The following LENG1 variants were observed in gnomAD, a reference collection of about 807,000 sequenced individuals.
LENG1 encodes leukocyte receptor cluster (LRC) member 1.
A neutral mutation model predicts 28.8 loss-of-function variants in LENG1; 35 were observed. That is an observed-to-expected ratio of 1.22 (90% confidence interval 0.93 to 1.61). LENG1 has a LOEUF of 1.61. LENG1 is among the 40% of genes most tolerant of loss of function. LENG1 has a pLI of 0.00. For missense variants in LENG1, 404 were observed against 348.9 expected, an observed-to-expected ratio of 1.16 and a Z score of -1.26; for synonymous variants, 170 against 140.6, an observed-to-expected ratio of 1.21 and a Z score of -1.48.
chr19:54,156,245 G>A (rs1483980113), intron 3 of LENG1, among the ~76,000 whole-genome samples: 3 of 152,118 alleles, frequency 2.0e-5, no homozygotes, highest in Non-Finnish European at 4.4e-5. Context: ...AAGACTACAG[G>A]CAGTGTACCC....
intron 3 of LENG1, 71 bp downstream of exon 3, chr19:54,156,692 A>C: frequency 6.8e-7 from 1 of 1,474,424 alleles, no homozygotes; most frequent in Non-Finnish European, 9.2e-7. Flanking sequence ...GAGACGCTGC[A>C]GTGCCCATGC....
rs1054832542 is a variant in LENG1, at chr19:54,158,393, C to T, written c.201G>A (p.Glu67=). ...CAGGGCCAGAACCTGGGGCTCCCGC[C>T]TCTGCTGCTTCAAGCTCAGGCAGTG... is the stretch of plus-strand genomic sequence containing the variant. ...QNSLPELEAA[E]AGAPGSGPVD... The change falls in exon 2 of 4, where the codon GAG becomes GAA. Residue 67 remains glutamate (E), a synonymous_variant. Coordinates refer to ENST00000222224, the MANE Select transcript of LENG1 (RefSeq NM_024316.3). The T allele has an allele frequency of 6.2e-7, 1 of 1,614,260 alleles. No individual in the cohort carries two copies. Among genetic ancestry groups the T allele is most frequent in the Admixed American group, 1.7e-5 (1 of 60,032 alleles).
chr19:54,155,629 G>T lies in LENG1; in HGVS notation c.*92C>A. On this transcript the variant is annotated 3_prime_UTR_variant, in exon 4 of 4. Coordinates refer to ENST00000222224, the MANE Select transcript of LENG1 (RefSeq NM_024316.3). ...CCCTCCCCAGTGAGGGACATTTTTT[G>T]GTAAACCTATTTTCATTTTGGAAAA... The T allele has an allele frequency of 1.5e-6, 2 of 1,304,118 alleles. No individual in the cohort carries two copies. Among genetic ancestry groups the T allele is most frequent in the Non-Finnish European group, 2.1e-6 (2 of 952,510 alleles). 80.8% of individuals were successfully genotyped at this position (1,304,118 alleles called of 1,614,324 possible). A position where few individuals can be genotyped will look rare whatever the true frequency, so the allele number is the denominator to read the frequency against.
At position 54,156,748 on chromosome 19, in the gene LENG1, G is replaced by A. The variant is rs1455061127; in HGVS notation, c.575+15C>T. On this transcript the variant is annotated intron_variant, in intron 3 of 3. Transcript: ENST00000222224. ...AAGGTCTGGGCCCTGGTCTGCCGAG[G>A]TGGGGTCTTCTTACTCCTTGGGTCG... 4.4e-6 allele frequency: 7 copies of A among 1,601,316 alleles called. No homozygotes were observed. The highest frequency in any genetic ancestry group is 1.3e-5 in the African/African-American group (1 of 74,376).
rs148796060 is a variant in LENG1, at chr19:54,158,110, T to C, written c.312+172A>G. 5.6e-3 allele frequency among the ~76,000 whole-genome samples: 846 copies of C among 152,334 alleles called. 6 individuals are homozygous for C. The highest frequency in any genetic ancestry group is 0.02 in the African/African-American group (817 of 41,570). On this transcript the variant is annotated intron_variant, in intron 2 of 3. Coordinates refer to ENST00000222224, the MANE Select transcript of LENG1 (RefSeq NM_024316.3). ...ACCTCTAGCATCTACCTCCAACCCC[T>C]GTGGGCGCCCAGACGGCAATAGCCA...
At position 54,156,113 on chromosome 19, in the gene LENG1, G is replaced by A. The variant is rs564495280; in HGVS notation, c.576-173C>T. On this transcript the variant is annotated intron_variant, in intron 3 of 3. Coordinates refer to ENST00000222224, the MANE Select transcript of LENG1 (RefSeq NM_024316.3). ...CTTGGTGCTGGGACGCCATGGGCACGTCTCTGGCCTTCCCTTCTGTGGGCT... is the reference window on the plus strand; with the variant it reads ...CTTGGTGCTGGGACGCCATGGGCACATCTCTGGCCTTCCCTTCTGTGGGCT... Among the ~76,000 whole-genome samples the A allele has an allele frequency of 1.4e-4, 22 of 152,360 alleles. No homozygotes were observed. The South Asian group carries it at 3.7e-3, about 26-fold the overall frequency.
rs752748218 is a variant in LENG1 at position 54,155,938 on chromosome 19, G to A, written c.578C>T (p.Pro193Leu). 11 of 1,605,838 alleles carry A rather than the reference G, an allele frequency of 6.9e-6. No individual in the cohort carries two copies. The South Asian group carries it at 7.8e-5, about 11-fold the overall frequency. The change falls in exon 4 of 4, where the codon CCT (proline) becomes CTT (leucine). Residue 193 changes from proline to leucine, a missense_variant and splice_region_variant. Transcript: ENST00000222224. ...EGSEKQRPKE[P>L]PSLDQLRAER... Reference sequence around the variant, plus strand: ...AGCTCGAAGCTGGTCCAGGGATGGAGGCCTGTGGGGAGAGGAGTGAGGTCA... The same window carrying A: ...AGCTCGAAGCTGGTCCAGGGATGGAAGCCTGTGGGGAGAGGAGTGAGGTCA...
At chr19:54,159,311 T>C (rs953108072) in intron 1 of LENG1, among the ~76,000 whole-genome samples, 1 of 152,276 alleles carries the variant, frequency 6.6e-6, no homozygotes, top group Non-Finnish European at 1.5e-5. Context: ...GCTTCTCTTT[T>C]GTGCTAGACA....
chr19:54,158,577 G>C, intron 1 of LENG1, 116 bp from the exon 2 acceptor site: 1 of 952,796 alleles, frequency 1.0e-6, no homozygotes, highest in East Asian at 2.5e-5. Context: ...GAGAAAGGGA[G>C]CACTAGGCGC....
At chr19:54,159,451 C>G in intron 1 of LENG1, 113 bp downstream of exon 1, 1 of 1,196,128 alleles carries the variant, frequency 8.4e-7, no homozygotes, top group South Asian at 1.6e-5. Flanking sequence ...GCGCCTGGTC[C>G]CGAATTTCAC....
chr19:54,159,307 CTT>C (rs2075455280), intron 1 of LENG1, among the ~76,000 whole-genome samples: 1 of 152,382 alleles, frequency 6.6e-6, no homozygotes, highest in African/African-American at 2.4e-5. Context: ...TTAAGCTTCT[CTT>C]TTGTGCTAGA....
intron 1 of LENG1, 61 bp from the exon 2 acceptor site, chr19:54,158,522 C>T (rs1390612605): frequency 4.6e-6 from 7 of 1,510,140 alleles, no homozygotes; most frequent in Non-Finnish European, 6.4e-6. Context: ...AACTGTGAGT[C>T]TGGTGCCCAC....
intron 1 of LENG1, 84 bp from the exon 2 acceptor site, chr19:54,158,545 C>G: frequency 3.7e-6 from 5 of 1,339,100 alleles, no homozygotes; most frequent in Non-Finnish European, 5.2e-6. Flanking sequence ...CAGAAAATGG[C>G]AGTCCAGGGT....
At chr19:54,157,715 G>A (rs59232164) in intron 2 of LENG1, among the ~76,000 whole-genome samples, 4,483 of 151,318 alleles carry the variant, frequency 0.03, 219 homozygotes, top group African/African-American at 0.1. Context: ...AGCAAGAGGC[G>A]ATTGATTCAC....
Position 54,157,008 on chromosome 19 carries a change from A to G in LENG1, c.330T>C (p.Ala110=), listed in dbSNP as rs543500445. ...KRQEKERQEK[A]LGILTYLGQS... ...GGCCCAGGTATGTCAGGATGCCCAG[A>G]GCTTTCTCTTGCCTCTCCTGAGGGG... Residue 110 remains alanine (A), a synonymous_variant, in exon 3 of 4, where the codon GCT becomes GCC. Coordinates refer to ENST00000222224, the MANE Select transcript of LENG1 (RefSeq NM_024316.3). 2 of 1,551,666 alleles carry G rather than the reference A, an allele frequency of 1.3e-6. No homozygotes were observed. The highest frequency in any genetic ancestry group is 2.0e-5 in the Admixed American group (1 of 49,478).
At chr19:54,155,970 T>C (rs1351953371) in intron 3 of LENG1, 30 bp from the exon 4 acceptor site, 2 of 1,572,880 alleles carry the variant, frequency 1.3e-6, no homozygotes, top group South Asian at 2.3e-5. Context: ...GTCAGAAAGC[T>C]GGTAGCCCCT....
chr19:54,159,532 C>G, intron 1 of LENG1, 32 bp downstream of exon 1: 2 of 1,509,028 alleles, frequency 1.3e-6, no homozygotes, highest in Non-Finnish European at 8.8e-7. Flanking sequence ...CGCTGGGCCC[C>G]GGAGCGCCGC....
intron 3 of LENG1, among the ~76,000 whole-genome samples, chr19:54,156,298 T>C (rs2075385332): frequency 6.6e-6 from 1 of 152,180 alleles, no homozygotes; most frequent in Admixed American, 6.5e-5. Flanking sequence ...AGAAGCCTGC[T>C]TTTACTCTCT....
intron 1 of LENG1, among the ~76,000 whole-genome samples, chr19:54,159,289 A>T (rs2075454904): frequency 6.6e-6 from 1 of 152,270 alleles, no homozygotes; most frequent in African/African-American, 2.4e-5. Flanking sequence ...TCACGGATTC[A>T]TTAAATGTTA....
Sources: allele counts gnomAD v4.1 joint callset (sites outside exome capture counted in the v4.1 genomes callset), GRCh38; gene constraint gnomAD v4.1.1; transcripts MANE v1.5; gene names NCBI Gene and HGNC (gene_info 2026-07-23, HGNC 2026-07-21).